Variants in BRAF observed in about 807,000 individuals in gnomAD.
BRAF encodes the protein B-Raf proto-oncogene, serine/threonine kinase.
In BRAF, 16 loss-of-function variants were observed where a neutral mutation model predicts 104.6. The ratio of observed to expected loss-of-function variants is 0.15; its 90% confidence interval spans 0.10 to 0.23. The LOEUF (loss-of-function observed/expected upper bound fraction) is 0.23, where lower values mean the gene tolerates loss of function less well. Among genes scored for constraint, BRAF ranks in the 10% least tolerant of loss-of-function variants. The pLI, the probability that BRAF is intolerant of heterozygous loss-of-function variation, is 1.00. For synonymous variants in BRAF, 310 were observed against 341.6 expected (o/e 0.91, Z 1.02); for missense variants, 541 against 937.3 (o/e 0.58, Z 5.52).
rs17622445 is a variant in BRAF, at chr7:140,723,766, A to G, written c.*2728T>C. On this transcript the variant is annotated 3_prime_UTR_variant, in exon 20 of 20. Transcript: ENST00000644969. Reference sequence around the variant, plus strand: ...CAGCCACTTTACAGACAAGACTGTTACACCCTTACAAGATGATCAGTGACG... The same window carrying G: ...CAGCCACTTTACAGACAAGACTGTTGCACCCTTACAAGATGATCAGTGACG... 20,180 of 1,048,834 alleles carry G rather than the reference A, an allele frequency of 0.019. 217 individuals carry two copies. The highest frequency in any genetic ancestry group is 0.04 in the Middle Eastern group (93 of 2,300). The allele number at this position is 1,048,834 out of a possible 1,614,324, so 65.0% of individuals were successfully genotyped here.
chr7:140,919,224 T>C (rs1015303504), intron 1 of BRAF, among the ~76,000 whole-genome samples: 3 of 152,102 alleles, frequency 2.0e-5, no homozygotes, highest in African/African-American at 7.2e-5. Context: ...CTGGCGTACT[T>C]TGAAAACCAC....
At position 140,723,526 on chromosome 7, in the gene BRAF, T is replaced by C. The variant is rs1795426710; in HGVS notation, c.*2968A>G. 1.6e-5 allele frequency: 17 copies of C among 1,052,164 alleles called. No homozygotes were observed. The highest frequency in any genetic ancestry group is 2.0e-5 in the Non-Finnish European group (17 of 871,138). The allele number at this position is 1,052,164 out of a possible 1,614,324, so 65.2% of individuals were successfully genotyped here. A position where few individuals can be genotyped will look rare whatever the true frequency, so the allele number is the denominator to read the frequency against. The stretch of plus-strand genomic sequence containing the variant: ...TAAGGTGCACATTAACAACAAATGA[T>C]CACACTGAATTTTCTATTCACAAAT... On this transcript the variant is annotated 3_prime_UTR_variant, in exon 20 of 20. Transcript: ENST00000644969.
chr7:140,853,225 G>GAA (rs71522116), intron 1 of BRAF, among the ~76,000 whole-genome samples: 56 of 141,332 alleles, frequency 4.0e-4, no homozygotes, highest in African/African-American at 9.3e-4. Flanking sequence ...AAAAAAAAAA[G>GAA]AAAAAAAAAA....
chr7:140,891,190 AGTAC>A (rs1399796809), intron 1 of BRAF, among the ~76,000 whole-genome samples: 1 of 152,178 alleles, frequency 6.6e-6, no homozygotes, highest in African/African-American at 2.4e-5. Flanking sequence ...GGAAAACAAA[AGTAC>A]TTAGAGAAAG....
At chr7:140,799,897 CAAAATGA>C in intron 7 of BRAF, 1 of 296,280 alleles carries the variant, frequency 3.4e-6, no homozygotes, top group Non-Finnish European at 6.4e-6. Context: ...GGTGTAGACT[CAAAATGA>C]TCTGTTGCAT....
chr7:140,868,963 G>A (rs149457583), intron 1 of BRAF, among the ~76,000 whole-genome samples: 9 of 152,204 alleles, frequency 5.9e-5, no homozygotes, highest in African/African-American at 2.2e-4. Context: ...GGATTTGCTG[G>A]TAAATTGGAT....
In BRAF at chr7:140,720,581, T is replaced by C. The variant is rs1418084551; in HGVS notation, c.*5913A>G. 4.7e-6 allele frequency: 5 copies of C among 1,065,592 alleles called. No homozygotes were observed. Among genetic ancestry groups the C allele is most frequent in the South Asian group, 9.1e-5 (2 of 21,976 alleles). The allele number at this position is 1,065,592 out of a possible 1,614,324, so 66.0% of individuals were successfully genotyped here. A position where few individuals can be genotyped will look rare whatever the true frequency, so the allele number is the denominator to read the frequency against. On this transcript the variant is annotated 3_prime_UTR_variant, in exon 20 of 20. Transcript: ENST00000644969. ...CAGCTTAGAATAAAAAGCATACTTA[T>C]TGCACTCTTACATTTGATTTCAGGT...
At chr7:140,827,458 AATAGGTCC>A (rs1452178744) in intron 3 of BRAF, among the ~76,000 whole-genome samples, 1 of 152,188 alleles carries the variant, frequency 6.6e-6, no homozygotes, top group Non-Finnish European at 1.5e-5. Flanking sequence ...CAATGATGAG[AATAGGTCC>A]ATAGTTAAAA....
At chr7:140,816,113 T>G (rs572209982) in intron 3 of BRAF, among the ~76,000 whole-genome samples, 1 of 152,366 alleles carries the variant, frequency 6.6e-6, no homozygotes, top group Non-Finnish European at 1.5e-5. Context: ...GCTGTTTTAT[T>G]GAAATTTAAA....
At chr7:140,787,272 A>G (rs1055490669) in intron 9 of BRAF, among the ~76,000 whole-genome samples, 13 of 139,384 alleles carry the variant, frequency 9.3e-5, no homozygotes, top group South Asian at 7.4e-4. Context: ...CTGCACTCCA[A>G]CCTGGGCGAC....
intron 6 of BRAF, 70 bp downstream of exon 6, chr7:140,801,342 C>A (rs961154701): frequency 1.9e-6 from 3 of 1,552,868 alleles, no homozygotes; most frequent in Non-Finnish European, 2.7e-6. Context: ...TTTTAGACAT[C>A]GTAGCTTCAC....
At chr7:140,908,715 T>C (rs1422229564) in intron 1 of BRAF, among the ~76,000 whole-genome samples, 1 of 152,212 alleles carries the variant, frequency 6.6e-6, no homozygotes, top group Non-Finnish European at 1.5e-5. Flanking sequence ...AGTTCAGTTG[T>C]TTCACCCTTA....
intron 1 of BRAF, among the ~76,000 whole-genome samples, chr7:140,916,008 C>T (rs904434762): frequency 6.6e-6 from 1 of 151,840 alleles, no homozygotes; most frequent in Non-Finnish European, 1.5e-5. Flanking sequence ...AAAAAAAACC[C>T]AAGGATTTTT....
chr7:140,725,366 A>G lies in BRAF; in HGVS notation c.*1128T>C. 1.0e-6 allele frequency: 1 copy of G among 981,362 alleles called. No individual in the cohort carries two copies. Among genetic ancestry groups the G allele is most frequent in the East Asian group, 6.0e-5 (1 of 16,744 alleles). The allele number at this position is 981,362 out of a possible 1,614,324, so 60.8% of individuals were successfully genotyped here. A position where few individuals can be genotyped will look rare whatever the true frequency, so the allele number is the denominator to read the frequency against. ...GAGAAAAGGATAATGATCTTTCTTA[A>G]AAGTTGTTTATATAACAAAAATACA... On this transcript the variant is annotated 3_prime_UTR_variant, in exon 20 of 20. Coordinates refer to ENST00000644969, the MANE Select transcript of BRAF (RefSeq NM_001374258.1).
At chr7:140,840,736 A>G (rs1807871472) in intron 2 of BRAF, among the ~76,000 whole-genome samples, 2 of 150,926 alleles carry the variant, frequency 1.3e-5, no homozygotes, top group Non-Finnish European at 3.0e-5. Context: ...GGTTGCAGTC[A>G]GTCGAGATGG....
chr7:140,903,218 G>A (rs1317226782), intron 1 of BRAF, among the ~76,000 whole-genome samples: 2 of 152,054 alleles, frequency 1.3e-5, no homozygotes, highest in African/African-American at 2.4e-5. Flanking sequence ...GAGCCACCAC[G>A]CCTGGCCTAG....
At chr7:140,916,791 C>T (rs1817679559) in intron 1 of BRAF, among the ~76,000 whole-genome samples, 1 of 152,088 alleles carries the variant, frequency 6.6e-6, no homozygotes. Context: ...CTTTGAAAAC[C>T]TGAATAAAAT....
chr7:140,777,963 T>C, intron 13 of BRAF, 28 bp downstream of exon 12: 1 of 1,606,142 alleles, frequency 6.2e-7, no homozygotes, highest in Non-Finnish European at 8.5e-7. Context: ...CTTCTTTCTC[T>C]GGAAAAGAGT....
intron 2 of BRAF, among the ~76,000 whole-genome samples, chr7:140,843,096 G>A (rs1808153149): frequency 6.6e-6 from 1 of 152,140 alleles, no homozygotes; most frequent in Admixed American, 6.6e-5. Context: ...AAGAAAAACT[G>A]AACACTGGAA....
Sources: allele counts gnomAD v4.1 joint callset (sites outside exome capture counted in the v4.1 genomes callset), GRCh38; gene constraint gnomAD v4.1.1; transcripts MANE v1.5; gene names NCBI Gene and HGNC (gene_info 2026-07-23, HGNC 2026-07-21).